BTNL3: variants seen among roughly 807,000 people sequenced by gnomAD.
The protein encoded by BTNL3 is butyrophilin-like protein 3.
Under a neutral mutation model 40.1 loss-of-function variants are expected in BTNL3, and 20 were observed. That is an observed-to-expected ratio of 0.50 (90% CI 0.35 to 0.72). The LOEUF (loss-of-function observed/expected upper bound fraction) is 0.72. Ranked by LOEUF, BTNL3 falls within the 30% of genes least tolerant of loss-of-function variation. The pLI is 0.01. For synonymous variants in BTNL3, 179 were observed against 222.1 expected, an observed-to-expected ratio of 0.81 and a Z score of 1.73; for missense variants, 449 against 582.2, an observed-to-expected ratio of 0.77 and a Z score of 2.35.
rs990201102 is a variant in BTNL3, at chr5:180,988,906, A to G, written c.-123A>G. The G allele has an allele frequency of 2.7e-6, 3 of 1,119,880 alleles. 1 individual carries two copies. The highest frequency in any genetic ancestry group is 3.8e-6 in the Non-Finnish European group (3 of 788,950). 69.4% of individuals were successfully genotyped at this position (1,119,880 alleles called of 1,614,324 possible). On this transcript the variant is annotated 5_prime_UTR_variant, in exon 1 of 8. Transcript: ENST00000342868. Reference sequence around the variant, plus strand: ...TCTAGGGAGAAATGCACAGTTTGACATCGTTCATGAAGAGCCTCTCCACGG... The same window carrying G: ...TCTAGGGAGAAATGCACAGTTTGACGTCGTTCATGAAGAGCCTCTCCACGG...
Position 180,997,551 on chromosome 5 carries a change from C to A in BTNL3, c.673+63C>A. 1.4e-6 allele frequency: 2 copies of A among 1,448,770 alleles called. 1 individual carries two copies. The highest frequency in any genetic ancestry group is 1.9e-6 in the Non-Finnish European group (2 of 1,050,816). 89.7% of individuals were successfully genotyped at this position (1,448,770 alleles called of 1,614,324 possible). ...GCATACGTAACCCAGGGTAGAGCAG[C>A]AGCTTGTGTCTGGGATTGTTGTGTA... On this transcript the variant is annotated intron_variant, in intron 3 of 7. Coordinates refer to ENST00000342868, the MANE Select transcript of BTNL3 (RefSeq NM_197975.3).
At position 180,994,250 on chromosome 5, in the gene BTNL3, C is replaced by G. The variant is rs1382325101; in HGVS notation, c.397+1090C>G. Among the ~76,000 whole-genome samples the G allele has an allele frequency of 2.2e-5, 3 of 137,164 alleles. 1 individual carries two copies. In the East Asian group the frequency reaches 6.4e-4, roughly 29 times the overall value. 90.0% of individuals were successfully genotyped at this position (137,164 alleles called of 152,430 possible). A position where few individuals can be genotyped will look rare whatever the true frequency, so the allele number is the denominator to read the frequency against. Reference sequence around the variant, plus strand: ...TGTTTGAAGAATTTCCTCCAGCCATCCTTTTAGGATAGGTCTGCTAGTGAC... The same window carrying G: ...TGTTTGAAGAATTTCCTCCAGCCATGCTTTTAGGATAGGTCTGCTAGTGAC... On this transcript the variant is annotated intron_variant, in intron 2 of 7. Coordinates refer to ENST00000342868, the MANE Select transcript of BTNL3 (RefSeq NM_197975.3).
In BTNL3 at chr5:180,993,095, T is replaced by C; in HGVS notation, c.332T>C (p.Leu111Pro). Residue 111 changes from leucine to proline, a missense_variant, in exon 2 of 8, where the codon CTG becomes CCG. Transcript: ENST00000342868. ...LKNITPSDIG[L>P]YGCWFSSQIY... ...AACATCACTCCCTCGGACATCGGCC[T>C]GTATGGGTGCTGGTTCAGTTCCCAG... 6.9e-7 allele frequency: 1 copy of C among 1,452,308 alleles called. No individual in the cohort carries two copies. Among genetic ancestry groups the C allele is most frequent in the African/African-American group, 1.4e-5 (1 of 72,520 alleles). 90.0% of individuals were successfully genotyped at this position (1,452,308 alleles called of 1,614,324 possible).
intron 2 of BTNL3, among the ~76,000 whole-genome samples, chr5:180,993,466 ATTTTCTTCTT>A (rs1759999047): frequency 7.4e-6 from 1 of 135,082 alleles, no homozygotes; most frequent in African/African-American, 2.5e-5. Context: ...AATTTCTTTT[ATTTTCTTCTT>A]TTTTCTTGAC....
In BTNL3 at chr5:181,000,179, T is replaced by A. The variant is rs1760086767; in HGVS notation, c.674-2493T>A. Among the ~76,000 whole-genome samples, 2 of 136,478 alleles carry A rather than the reference T, an allele frequency of 1.5e-5. 1 individual carries two copies. Among genetic ancestry groups the A allele is most frequent in the South Asian group, 4.3e-4 (2 of 4,618 alleles). The allele number at this position is 136,478 out of a possible 152,430, so 89.5% of individuals were successfully genotyped here. ...GTAGAAAAGTCCACAAAAACATATA[T>A]CATGACCAAACTTATCCTGGAAAAA... On this transcript the variant is annotated intron_variant, in intron 3 of 7. Transcript: ENST00000342868.
chr5:180,989,549 T>C lies in BTNL3; in HGVS notation c.49+472T>C, dbSNP rs893708150. 1.0e-4 allele frequency among the ~76,000 whole-genome samples: 14 copies of C among 136,750 alleles called. 3 individuals are homozygous for C. Among genetic ancestry groups the C allele is most frequent in the African/African-American group, 3.5e-4 (14 of 39,666 alleles). The allele number at this position is 136,750 out of a possible 152,430, so 89.7% of individuals were successfully genotyped here. On this transcript the variant is annotated intron_variant, in intron 1 of 7. Coordinates refer to ENST00000342868, the MANE Select transcript of BTNL3 (RefSeq NM_197975.3). Reference sequence around the variant, plus strand: ...GCTGAGTTAGAAACACCTGTAGTTATGGGGTAGAGCACCAGACCTTTAAGT... The same window carrying C: ...GCTGAGTTAGAAACACCTGTAGTTACGGGGTAGAGCACCAGACCTTTAAGT...
rs922286330 is a variant in BTNL3, at chr5:180,998,127, A to G, written c.673+639A>G. On this transcript the variant is annotated intron_variant, in intron 3 of 7. Transcript: ENST00000342868. ...AAATAGACAAATACTAAAAATCTCAATGGCAATTCATAAGAGGAAAAATGT... is the reference window on the plus strand; with the variant it reads ...AAATAGACAAATACTAAAAATCTCAGTGGCAATTCATAAGAGGAAAAATGT... Among the ~76,000 whole-genome samples, 2 of 136,544 alleles carry G rather than the reference A, an allele frequency of 1.5e-5. 1 individual carries two copies. Among genetic ancestry groups the G allele is most frequent in the Admixed American group, 1.6e-4 (2 of 12,858 alleles). The allele number at this position is 136,544 out of a possible 152,430, so 89.6% of individuals were successfully genotyped here. A position where few individuals can be genotyped will look rare whatever the true frequency, so the allele number is the denominator to read the frequency against.
At position 181,000,339 on chromosome 5, in the gene BTNL3, T is replaced by C. The variant is rs928531758; in HGVS notation, c.674-2333T>C. 1.5e-5 allele frequency among the ~76,000 whole-genome samples: 2 copies of C among 136,896 alleles called. 1 individual carries two copies. Among genetic ancestry groups the C allele is most frequent in the Non-Finnish European group, 3.3e-5 (2 of 59,940 alleles). The allele number at this position is 136,896 out of a possible 152,430, so 89.8% of individuals were successfully genotyped here. On this transcript the variant is annotated intron_variant, in intron 3 of 7. Coordinates refer to ENST00000342868, the MANE Select transcript of BTNL3 (RefSeq NM_197975.3). ...CATCTATTCATCATGATTTCAACAC[T>C]TGCAAATCTAGAAATAGAAGAAAAT...
Position 181,006,095 on chromosome 5 carries a change from C to A in BTNL3, c.*223C>A, listed in dbSNP as rs900048530. On this transcript the variant is annotated 3_prime_UTR_variant, in exon 8 of 8. Coordinates refer to ENST00000342868, the MANE Select transcript of BTNL3 (RefSeq NM_197975.3). ...GGGATTGGCCTGACCCTGTGGGAGT[C>A]AGAAGCCATGGCTGCCCTGAAGTGG... The A allele has an allele frequency of 1.2e-5, 6 of 512,692 alleles. No homozygotes were observed. Among genetic ancestry groups the A allele is most frequent in the African/African-American group, 1.2e-4 (6 of 52,118 alleles). 31.8% of individuals were successfully genotyped at this position (512,692 alleles called of 1,614,324 possible).
chr5:181,006,007 G>GGGAGCTGAGGTTCTTC lies in BTNL3; in HGVS notation c.*136_*151dup, dbSNP rs1760224813. ...GAGTCACGCCCCCCACTCTCCTTTA[G>GGGAGCTGAGGTTCTTC]GGAGCTGAGGTTCTTCTGCCCTGAG... On this transcript the variant is annotated 3_prime_UTR_variant, in exon 8 of 8. Coordinates refer to ENST00000342868, the MANE Select transcript of BTNL3 (RefSeq NM_197975.3). The GGGAGCTGAGGTTCTTC allele has an allele frequency of 9.9e-7, 1 of 1,006,838 alleles. No homozygotes were observed. Among genetic ancestry groups the GGGAGCTGAGGTTCTTC allele is most frequent in the East Asian group, 2.6e-5 (1 of 37,924 alleles). 62.4% of individuals were successfully genotyped at this position (1,006,838 alleles called of 1,614,324 possible).
rs757711506 is a variant in BTNL3, at chr5:180,997,242, G to A, written c.427G>A (p.Val143Met). The part of the protein sequence containing the change: ...ALGSLPLISI[V>M]GYVDGGIQLL... Reference sequence around the variant, plus strand: ...GGGCTCACTTCCTCTCATTTCCATCGTGGGATATGTTGACGGAGGTATCCA... The same window carrying A: ...GGGCTCACTTCCTCTCATTTCCATCATGGGATATGTTGACGGAGGTATCCA... The change falls in exon 3 of 8, where the codon GTG (valine) becomes ATG (methionine). Residue 143 changes from valine (V) to methionine (M), a missense_variant. Coordinates refer to ENST00000342868, the MANE Select transcript of BTNL3 (RefSeq NM_197975.3). 7.5e-6 allele frequency: 11 copies of A among 1,464,208 alleles called. 4 individuals are homozygous for A. The highest frequency in any genetic ancestry group is 2.2e-5 in the South Asian group (2 of 89,300). The allele number at this position is 1,464,208 out of a possible 1,614,324, so 90.7% of individuals were successfully genotyped here. A position where few individuals can be genotyped will look rare whatever the true frequency, so the allele number is the denominator to read the frequency against.
intron 7 of BTNL3, 26 bp from the exon 8 acceptor site, chr5:181,005,308 T>G (rs781601946): frequency 1.9e-6 from 3 of 1,607,270 alleles, no homozygotes; most frequent in Non-Finnish European, 2.5e-6. Flanking sequence ...TAACTCATGC[T>G]TCCTCTCTCC....
Position 180,988,877 on chromosome 5 carries a change from AG to A in BTNL3, c.-150del. The stretch of plus-strand genomic sequence containing the variant: ...CTCATTCATACAGCCATGTTTAGGG[AG>A]GCTCTAGGGAGAAATGCACAGTTTG... On this transcript the variant is annotated 5_prime_UTR_variant, in exon 1 of 8. The change creates a premature stop within an existing upstream ORF in the 5' untranslated region. Transcript: ENST00000342868. 4.4e-6 allele frequency: 4 copies of A among 899,988 alleles called. 1 individual carries two copies. Among genetic ancestry groups the A allele is most frequent in the South Asian group, 3.1e-5 (2 of 64,106 alleles). The allele number at this position is 899,988 out of a possible 1,614,324, so 55.8% of individuals were successfully genotyped here. A position where few individuals can be genotyped will look rare whatever the true frequency, so the allele number is the denominator to read the frequency against.
chr5:180,998,115 C>T lies in BTNL3; in HGVS notation c.673+627C>T, dbSNP rs977694620. ...AAATAAAAATAAAAATAGACAAATACTAAAAATCTCAATGGCAATTCATAA... is the reference window on the plus strand; with the variant it reads ...AAATAAAAATAAAAATAGACAAATATTAAAAATCTCAATGGCAATTCATAA... On this transcript the variant is annotated intron_variant, in intron 3 of 7. Transcript: ENST00000342868. Among the ~76,000 whole-genome samples the T allele has an allele frequency of 2.2e-5, 3 of 136,056 alleles. 1 individual carries two copies. The highest frequency in any genetic ancestry group is 7.6e-5 in the African/African-American group (3 of 39,688). The allele number at this position is 136,056 out of a possible 152,430, so 89.3% of individuals were successfully genotyped here.
Position 181,005,386 on chromosome 5 carries a change from T to C in BTNL3, c.915T>C (p.Asp305=), listed in dbSNP as rs138500253. 331 of 1,613,706 alleles carry C rather than the reference T, an allele frequency of 2.1e-4. No homozygotes were observed. The African/African-American group carries it at 4.0e-3, about 20-fold the overall frequency. The change falls in exon 8 of 8, where the codon GAT becomes GAC. Residue 305 remains aspartate, a synonymous_variant. Transcript: ENST00000342868. ...ETAHPKLCVS[D]LKTVTHRKAP... is the part of the protein sequence containing the mutation. The stretch of plus-strand genomic sequence containing the variant: ...CTCACCCGAAGCTCTGCGTTTCTGA[T>C]CTGAAAACTGTAACCCATAGAAAAG...
At chr5:181,002,577 G>A (rs148210627) in intron 3 of BTNL3, 95 bp from the exon 4 acceptor site, 62,352 of 1,134,082 alleles carry the variant, frequency 0.055, 12,421 homozygotes, top group Non-Finnish European at 0.067. Flanking sequence ...AGAGAAAAAT[G>A]TTTTCATCTT....
intron 2 of BTNL3, among the ~76,000 whole-genome samples, chr5:180,993,629 T>A (rs1456025685): frequency 1.5e-5 from 2 of 135,666 alleles, no homozygotes; most frequent in East Asian, 4.3e-4. Flanking sequence ...ATCTACTATA[T>A]CAACATTTTA....
chr5:180,993,043 G>T lies in BTNL3; in HGVS notation c.280G>T (p.Gly94Trp), dbSNP rs1425265137. 6.9e-7 allele frequency: 1 copy of T among 1,457,326 alleles called. No individual in the cohort carries two copies. Among genetic ancestry groups the T allele is most frequent in the East Asian group, 2.5e-5 (1 of 40,760 alleles). 90.3% of individuals were successfully genotyped at this position (1,457,326 alleles called of 1,614,324 possible). Residue 94 changes from glycine (G) to tryptophan (W), a missense_variant, in exon 2 of 8, where the codon GGG becomes TGG. By Grantham distance (184) the Gly-to-Trp change is radical (BLOSUM62 -2). Around this residue, in one of 2 missense-constraint regions of BTNL3, gnomAD observed 323 missense variants for 464.9 expected, o/e 0.69. Transcript: ENST00000342868. ...RTEFVKDSIA[G>W]GRVSLRLKNI... is the part of the protein sequence containing the mutation. ...TGAGTTTGTGAAGGACTCCATTGCA[G>T]GGGGGCGTGTCTCTCTAAGGCTAAA...
Position 181,004,775 on chromosome 5 carries a change from G to A in BTNL3, c.862+13G>A. 6.2e-7 allele frequency: 1 copy of A among 1,614,198 alleles called. No individual in the cohort carries two copies. The highest frequency in any genetic ancestry group is 8.5e-7 in the Non-Finnish European group (1 of 1,180,036). ...CGGAAACACGCAGGTACCAACGCCT[G>A]AGAGGGTAACAGTGGGCATGGAGTA... On this transcript the variant is annotated intron_variant, in intron 7 of 7. Transcript: ENST00000342868.
Sources: gnomAD v4.1 joint callset for allele counts (sites outside exome capture counted in the v4.1 genomes callset) on GRCh38, gnomAD v4.1.1 for gene constraint, gnomAD v4.1.1 regional missense constraint, MANE v1.5 for transcripts, NCBI Gene and HGNC (gene_info 2026-07-23, HGNC 2026-07-21) for gene names.